PCCA: variants seen among roughly 807,000 people sequenced by gnomAD.
PCCA encodes propionyl-CoA carboxylase alpha chain, mitochondrial.
In PCCA, 74 loss-of-function variants were observed where a neutral mutation model predicts 101.3. The observed-to-expected ratio is 0.73, with a 90% CI of 0.61 to 0.89. The LOEUF is 0.89. Among genes scored for constraint, PCCA ranks in the 40% least tolerant of loss-of-function variants. The pLI, the probability that PCCA is intolerant of heterozygous loss-of-function variation, is 0.00. For synonymous variants in PCCA, 294 were observed against 313.6 expected (o/e 0.94, Z 0.66); for missense variants, 891 against 907.0 (o/e 0.98, Z 0.23).
intron 22 of PCCA, among the ~76,000 whole-genome samples, chr13:100,524,983 G>GGATGGATGGATGGATAGATA (rs1555330339): frequency 3.5e-4 from 48 of 137,172 alleles, no homozygotes; most frequent in African/African-American, 6.6e-4. Flanking sequence ...TCTCTAAGAT[G>GGATGGATGGATGGATAGATA]GATAGATAGA....
At chr13:100,120,910 A>G (rs1217647117) in intron 4 of PCCA, among the ~76,000 whole-genome samples, 2 of 152,158 alleles carry the variant, frequency 1.3e-5, no homozygotes, top group African/African-American at 2.4e-5. Context: ...AGCTATCTCA[A>G]CGTTTTTAAG....
chr13:100,093,775 A>T (rs1437061449), intron 1 of PCCA, among the ~76,000 whole-genome samples: 7 of 152,056 alleles, frequency 4.6e-5, no homozygotes, highest in Admixed American at 4.6e-4. Flanking sequence ...AAAATAAAAT[A>T]AAATAAAATA....
intron 21 of PCCA, among the ~76,000 whole-genome samples, chr13:100,458,426 C>T (rs2081941107): frequency 1.0e-5 from 1 of 95,912 alleles, no homozygotes; most frequent in Admixed American, 9.9e-5. Flanking sequence ...TCTGCGCGCA[C>T]ACACACACAC....
intron 10 of PCCA, among the ~76,000 whole-genome samples, chr13:100,265,162 C>G (rs559937831): frequency 1.3e-5 from 2 of 152,250 alleles, no homozygotes; most frequent in African/African-American, 4.8e-5. Context: ...ATAATAATGT[C>G]TTTCAAAGAA....
chr13:100,227,133 G>T (rs140790618), intron 7 of PCCA, among the ~76,000 whole-genome samples: 1 of 152,048 alleles, frequency 6.6e-6, no homozygotes, highest in Non-Finnish European at 1.5e-5. Flanking sequence ...CACCACGCCC[G>T]GCTAATTTTT....
intron 9 of PCCA, among the ~76,000 whole-genome samples, chr13:100,262,498 A>T (rs1348743571): frequency 1.3e-5 from 2 of 152,182 alleles, no homozygotes; most frequent in Non-Finnish European, 2.9e-5. Context: ...ATGGTCACAG[A>T]GTTAGTGAGT....
intron 23 of PCCA, 27 bp from the exon 24 acceptor site, chr13:100,530,071 C>G (rs2088286400): frequency 6.3e-7 from 1 of 1,589,938 alleles, no homozygotes; most frequent in African/African-American, 1.3e-5. Context: ...TTACTCTCCC[C>G]TCCCCCTGCA....
intron 21 of PCCA, 67 bp downstream of exon 21, chr13:100,449,372 A>C: frequency 1.9e-5 from 18 of 953,162 alleles, no homozygotes; most frequent in African/African-American, 3.3e-5. Flanking sequence ...GTTGTAGCTC[A>C]TGTGTTTGAA....
intron 4 of PCCA, chr13:100,154,557 C>G (rs1408203344): frequency 2.2e-5 from 6 of 271,990 alleles, no homozygotes; most frequent in Non-Finnish European, 4.2e-5. Context: ...TCCCTCCATT[C>G]AGTCCCTCTA....
At chr13:100,131,563 A>G (rs1403562514) in intron 4 of PCCA, among the ~76,000 whole-genome samples, 1 of 152,250 alleles carries the variant, frequency 6.6e-6, no homozygotes, top group Non-Finnish European at 1.5e-5. Flanking sequence ...ATTGTTTTGC[A>G]GGATGAAAAG....
chr13:100,379,032 T>C (rs542850115), intron 19 of PCCA, among the ~76,000 whole-genome samples: 1 of 152,296 alleles, frequency 6.6e-6, no homozygotes, highest in East Asian at 1.9e-4. Flanking sequence ...TATTTGAACA[T>C]GTAGGGTAAT....
chr13:100,193,792 A>G (rs1310206592), intron 6 of PCCA, among the ~76,000 whole-genome samples: 2 of 152,122 alleles, frequency 1.3e-5, no homozygotes, highest in East Asian at 3.9e-4. Context: ...TTAATTATAA[A>G]TCATAGTCCG....
intron 21 of PCCA, among the ~76,000 whole-genome samples, chr13:100,506,396 C>CGGCGGGGGT (rs2086084522): frequency 1.0e-5 from 1 of 97,674 alleles, no homozygotes. Context: ...GGGGCGGGGG[C>CGGCGGGGGT]GGCGGGGGTT....
At chr13:100,381,207 AC>A (rs904219208) in intron 19 of PCCA, among the ~76,000 whole-genome samples, 4 of 152,124 alleles carry the variant, frequency 2.6e-5, no homozygotes, top group African/African-American at 9.7e-5. Flanking sequence ...ACACAGTGAA[AC>A]CCCGTCTCTA....
At chr13:100,373,378 G>A (rs991491908) in intron 19 of PCCA, among the ~76,000 whole-genome samples, 16 of 152,120 alleles carry the variant, frequency 1.1e-4, no homozygotes, top group African/African-American at 3.4e-4. Flanking sequence ...CAGTATGATG[G>A]TCCCTCAAAA....
In PCCA at chr13:100,527,488, A is replaced by T. The variant is rs112558130; in HGVS notation, c.2041-187A>T. 4.0e-3 allele frequency: 2,562 copies of T among 634,356 alleles called. 46 individuals are homozygous for T. In the African/African-American group the frequency reaches 0.042, roughly 10 times the overall value. The allele number at this position is 634,356 out of a possible 1,614,324, so 39.3% of individuals were successfully genotyped here. A position where few individuals can be genotyped will look rare whatever the true frequency, so the allele number is the denominator to read the frequency against. ...TTTTTTCCAACGAGGACTTTATGAGAGAGAGAATGGCTTTTCTCTACTGTT... is the reference window on the plus strand; with the variant it reads ...TTTTTTCCAACGAGGACTTTATGAGTGAGAGAATGGCTTTTCTCTACTGTT... On this transcript the variant is annotated intron_variant, in intron 22 of 23. Transcript: ENST00000376285.
intron 16 of PCCA, among the ~76,000 whole-genome samples, chr13:100,323,508 G>A (rs376190318): frequency 6.6e-6 from 1 of 151,958 alleles, no homozygotes; most frequent in Admixed American, 6.6e-5. Flanking sequence ...AGTAGAGACG[G>A]GGTTTCACCA....
At position 100,530,115 on chromosome 13, in the gene PCCA, T is replaced by C. The variant is rs781085655; in HGVS notation, c.2136T>C (p.Cys712=). The part of the protein sequence containing the change: ...GKTGTVKSVH[C]QAGDTVGEGD... Reference sequence around the variant, plus strand: ...AATTCAAGGTGAAATCTGTGCACTGTCAAGCTGGAGACACAGTTGGAGAAG... The same window carrying C: ...AATTCAAGGTGAAATCTGTGCACTGCCAAGCTGGAGACACAGTTGGAGAAG... The change falls in exon 24 of 24, where the codon TGT becomes TGC. Residue 712 remains cysteine (C), a synonymous_variant. Transcript: ENST00000376285. The C allele has an allele frequency of 1.9e-6, 3 of 1,614,066 alleles. No individual in the cohort carries two copies. In the South Asian group the frequency reaches 3.3e-5, roughly 18 times the overall value.
chr13:100,111,824 G>A lies in PCCA; in HGVS notation c.184-17G>A. Reference sequence around the variant, plus strand: ...AAAAGTAACAATTTCTAATGAATGTGTTTTTTCTCTCTTCAGACTTTTGAT... The same window carrying A: ...AAAAGTAACAATTTCTAATGAATGTATTTTTTCTCTCTTCAGACTTTTGAT... On this transcript the variant is annotated splice_polypyrimidine_tract_variant and intron_variant, in intron 2 of 23. Transcript: ENST00000376285. 6.4e-7 allele frequency: 1 copy of A among 1,551,788 alleles called. No individual in the cohort carries two copies. Among genetic ancestry groups the A allele is most frequent in the Middle Eastern group, 2.0e-4 (1 of 4,914 alleles).
Sources: allele counts gnomAD v4.1 joint callset (sites outside exome capture counted in the v4.1 genomes callset), GRCh38; gene constraint gnomAD v4.1.1; transcripts MANE v1.5; gene names NCBI Gene and HGNC (gene_info 2026-07-23, HGNC 2026-07-21).